RHOBTB2: variants seen among roughly 807,000 people sequenced by gnomAD.
The protein encoded by RHOBTB2 is rho-related BTB domain-containing protein 2.
Under a neutral mutation model 66.5 loss-of-function variants are expected in RHOBTB2, and 39 were observed. The observed-to-expected ratio is 0.59, with a 90% CI of 0.45 to 0.77. The LOEUF is 0.77. Ranked by LOEUF, RHOBTB2 falls within the 30% of genes least tolerant of loss-of-function variation. The pLI is 0.00. For missense variants in RHOBTB2, 755 were observed against 999.1 expected, an observed-to-expected ratio of 0.76 and a Z score of 3.29; for synonymous variants, 390 against 395.0, an observed-to-expected ratio of 0.99 and a Z score of 0.15.
the RHOBTB2 span, among the ~76,000 whole-genome samples, chr8:22,951,244 C>CTTTTTTTTTTTTTTTTTTTTTTTTTT: frequency 1.1e-5 from 1 of 87,966 alleles, no homozygotes; most frequent in Non-Finnish European, 2.0e-5. Flanking sequence ...CTACTTAGCT[C>CTTTTTTTTTTTTTTTTTTTTTTTTTT]TTTTTTTTTT....
intron 1 of RHOBTB2, among the ~76,000 whole-genome samples, chr8:22,990,642 A>G (rs953298649): frequency 3.9e-5 from 6 of 152,288 alleles, no homozygotes; most frequent in Admixed American, 6.5e-5. Flanking sequence ...GAGGAAGATC[A>G]TGTGACCTAG....
chr8:22,956,840 A>G, the RHOBTB2 span, among the ~76,000 whole-genome samples: 1 of 152,126 alleles, frequency 6.6e-6, no homozygotes, highest in African/African-American at 2.4e-5. Context: ...TTATATTTTT[A>G]GTAGAGACGG....
At chr8:22,957,448 C>T in the RHOBTB2 span, among the ~76,000 whole-genome samples, 9 of 152,180 alleles carry the variant, frequency 5.9e-5, no homozygotes, top group African/African-American at 1.4e-4. Context: ...TGATTATCCC[C>T]GACAGCCAGC....
the RHOBTB2 span, among the ~76,000 whole-genome samples, chr8:22,974,289 C>T: frequency 2.0e-5 from 3 of 152,222 alleles, no homozygotes; most frequent in African/African-American, 7.2e-5. Flanking sequence ...TCACCCACAC[C>T]TCTTCCCTTT....
At chr8:22,954,976 C>CA in the RHOBTB2 span, among the ~76,000 whole-genome samples, 50 of 152,166 alleles carry the variant, frequency 3.3e-4, no homozygotes, top group East Asian at 9.5e-3. Context: ...ACTAAAAATA[C>CA]AAAAATTAGC....
intron 5 of RHOBTB2, 42 bp downstream of exon 5, chr8:23,007,788 G>A (rs1811018752): frequency 1.3e-6 from 2 of 1,596,700 alleles, no homozygotes; most frequent in East Asian, 2.2e-5. Flanking sequence ...CTGCATTGGT[G>A]CTATTAGCAT....
the RHOBTB2 span, among the ~76,000 whole-genome samples, chr8:22,952,711 G>A: frequency 6.6e-6 from 1 of 152,158 alleles, no homozygotes; most frequent in Non-Finnish European, 1.5e-5. Context: ...TTCCAGACCA[G>A]CCTGACCAAT....
Position 23,020,106 on chromosome 8 carries a change from G to A in RHOBTB2, c.*2637G>A, listed in dbSNP as rs976783878. ...TGATTCACAGGAGGAGGGGAGGTTG[G>A]GGGGCGGGAGACAAAAACCACACCT... On this transcript the variant is annotated 3_prime_UTR_variant, in exon 10 of 10. Coordinates refer to ENST00000251822, the MANE Select transcript of RHOBTB2 (RefSeq NM_015178.3). 2.7e-6 allele frequency: 1 copy of A among 370,898 alleles called. No homozygotes were observed. Among genetic ancestry groups the A allele is most frequent in the Non-Finnish European group, 5.3e-6 (1 of 187,564 alleles). The allele number at this position is 370,898 out of a possible 1,614,324, so 23.0% of individuals were successfully genotyped here.
chr8:22,966,018 A>G, the RHOBTB2 span, among the ~76,000 whole-genome samples: 1 of 152,230 alleles, frequency 6.6e-6, no homozygotes, highest in Non-Finnish European at 1.5e-5. Context: ...TGTAAATCAC[A>G]TCCCTAATAA....
the RHOBTB2 span, among the ~76,000 whole-genome samples, chr8:22,958,110 C>G: frequency 2.6e-5 from 4 of 152,178 alleles, no homozygotes. Context: ...TTTAACTTTA[C>G]CACTCAGTCA....
At chr8:22,958,025 T>C in the RHOBTB2 span, among the ~76,000 whole-genome samples, 1 of 152,246 alleles carries the variant, frequency 6.6e-6, no homozygotes, top group Non-Finnish European at 1.5e-5. Flanking sequence ...AGGAAAGGCC[T>C]AGGCAAAGCT....
At chr8:22,979,742 C>CTTTTTTTT in the RHOBTB2 span, among the ~76,000 whole-genome samples, 8 of 84,088 alleles carry the variant, frequency 9.5e-5, no homozygotes, top group African/African-American at 1.4e-4. Context: ...TCTTTTCTTT[C>CTTTTTTTT]TTTTTTTTTT....
chr8:23,014,729 T>G lies in RHOBTB2; in HGVS notation c.1811T>G (p.Met604Arg), dbSNP rs1175977452. 6.2e-7 allele frequency: 1 copy of G among 1,614,174 alleles called. No homozygotes were observed. Among genetic ancestry groups the G allele is most frequent in the Admixed American group, 1.7e-5 (1 of 60,028 alleles). Residue 604 changes from methionine to arginine, a missense_variant, in exon 8 of 10, where the codon ATG becomes AGG. This residue lies in a region of RHOBTB2 where 353 missense variants were observed against 458.2 expected (regional missense o/e 0.77). Coordinates refer to ENST00000251822, the MANE Select transcript of RHOBTB2 (RefSeq NM_015178.3). ...TVTGLMEATQ[M>R]MVDIDGDVLV... is the part of the protein sequence containing the mutation. ...ACCGGGCTGATGGAAGCGACCCAGA[T>G]GATGGTGGACATCGATGGGGACGTC...
At chr8:23,002,967 G>T (rs1486998032) in intron 1 of RHOBTB2, among the ~76,000 whole-genome samples, 2 of 152,366 alleles carry the variant, frequency 1.3e-5, no homozygotes, top group African/African-American at 4.8e-5. Flanking sequence ...CTGGCATCCA[G>T]TTACAGCCCA....
At chr8:23,000,306 A>C (rs1408435317) in intron 1 of RHOBTB2, among the ~76,000 whole-genome samples, 1 of 152,140 alleles carries the variant, frequency 6.6e-6, no homozygotes, top group Non-Finnish European at 1.5e-5. Context: ...AGATGACTTG[A>C]TTGCTTCGGC....
the RHOBTB2 span, among the ~76,000 whole-genome samples, chr8:22,953,208 T>C: frequency 2.8e-4 from 42 of 152,222 alleles, no homozygotes; most frequent in Admixed American, 2.6e-3. Context: ...AGGAACGTCA[T>C]GTACCAGTTA....
At chr8:23,000,299 T>A (rs1209234120) in intron 1 of RHOBTB2, among the ~76,000 whole-genome samples, 194 bp downstream of exon 1, 1 of 152,224 alleles carries the variant, frequency 6.6e-6, no homozygotes, top group Non-Finnish European at 1.5e-5. Context: ...GAAAGGAAGA[T>A]GACTTGATTG....
At chr8:23,016,305 C>G (rs1319277191) in intron 9 of RHOBTB2, among the ~76,000 whole-genome samples, 2 of 152,176 alleles carry the variant, frequency 1.3e-5, no homozygotes, top group African/African-American at 4.8e-5. Flanking sequence ...TGGGCTCCCT[C>G]CAGTCTGCCG....
chr8:22,955,694 C>T, the RHOBTB2 span, among the ~76,000 whole-genome samples: 1 of 151,676 alleles, frequency 6.6e-6, no homozygotes, highest in Non-Finnish European at 1.5e-5. Context: ...CTCAGCTTCC[C>T]AAATAGCTGG....
Sources: gnomAD v4.1 joint callset for allele counts (sites outside exome capture counted in the v4.1 genomes callset) on GRCh38, gnomAD v4.1.1 for gene constraint, gnomAD v4.1.1 regional missense constraint, MANE v1.5 for transcripts, NCBI Gene and HGNC (gene_info 2026-07-23, HGNC 2026-07-21) for gene names.